PRKX: variants seen among roughly 807,000 people sequenced by gnomAD.
PRKX encodes the protein cAMP-dependent protein kinase catalytic subunit PRKX.
PRKX carries 12 observed loss-of-function variants against 22.0 expected under a neutral mutation model. The observed-to-expected ratio is 0.54, with a 90% CI of 0.35 to 0.88. PRKX has a LOEUF of 0.88. Ranked by LOEUF, PRKX falls within the 40% of genes least tolerant of loss-of-function variation. The pLI, the probability that PRKX is intolerant of heterozygous loss-of-function variation, is 0.01. For synonymous variants in PRKX, 134 were observed against 137.7 expected, an observed-to-expected ratio of 0.97 and a Z score of 0.19; for missense variants, 217 against 308.0, an observed-to-expected ratio of 0.70 and a Z score of 2.21.
intron 3 of PRKX, among the ~76,000 whole-genome samples, chrX:3,647,829 TTCA>T (rs1318517591): frequency 4.6e-5 from 5 of 109,484 alleles, no homozygotes; most frequent in African/African-American, 1.7e-4. Context: ...CTGGAACTTC[TTCA>T]TCATTCCAAA....
chrX:3,643,346 C>T (rs938776242), intron 3 of PRKX, among the ~76,000 whole-genome samples: 5 of 111,652 alleles, frequency 4.5e-5, no homozygotes, highest in Admixed American at 3.8e-4. Flanking sequence ...AAACGGCGAG[C>T]GGCTGAACCT....
intron 4 of PRKX, among the ~76,000 whole-genome samples, chrX:3,627,411 A>G (rs865971658): frequency 9.4e-6 from 1 of 105,942 alleles, no homozygotes; most frequent in Non-Finnish European, 1.9e-5. Context: ...AAAAAAAAAA[A>G]GACACATACA....
chrX:3,657,954 G>C (rs1927513930), intron 2 of PRKX, among the ~76,000 whole-genome samples: 1 of 111,739 alleles, frequency 8.9e-6, no homozygotes, highest in Non-Finnish European at 1.9e-5. Context: ...GGGACGGGTG[G>C]GGTATGAGGC....
chrX:3,681,090 A>T (rs1928062538), intron 1 of PRKX, among the ~76,000 whole-genome samples: 1 of 110,204 alleles, frequency 9.1e-6, no homozygotes, highest in Non-Finnish European at 1.9e-5. Context: ...AATAAATAAA[A>T]AATAAATAAG....
At chrX:3,667,185 C>T (rs1927752593) in intron 2 of PRKX, 1 of 111,543 alleles carries the variant, frequency 9.0e-6, no homozygotes, top group African/African-American at 3.3e-5. Flanking sequence ...ACTTTTCCAT[C>T]CGCGAAGCTG....
At chrX:3,678,397 C>T (rs934695467) in intron 1 of PRKX, among the ~76,000 whole-genome samples, 17 of 111,961 alleles carry the variant, frequency 1.5e-4, no homozygotes, top group African/African-American at 5.5e-4. Context: ...GTGTTTACTG[C>T]ATAACATTCT....
chrX:3,689,931 G>C (rs181234319), intron 1 of PRKX, among the ~76,000 whole-genome samples: 515 of 110,598 alleles, frequency 4.7e-3, no homozygotes, highest in South Asian at 5.8e-3. Context: ...GAGCCGAGAT[G>C]GCACCACTGC....
intron 1 of PRKX, among the ~76,000 whole-genome samples, chrX:3,681,573 AG>A (rs1196591211): frequency 9.2e-6 from 1 of 108,894 alleles, no homozygotes; most frequent in Non-Finnish European, 1.9e-5. Context: ...GTCTTGAACC[AG>A]GGAGCAGGAG....
intron 3 of PRKX, among the ~76,000 whole-genome samples, chrX:3,653,496 G>C (rs1927381646): frequency 9.4e-6 from 1 of 106,765 alleles, no homozygotes; most frequent in Non-Finnish European, 1.9e-5. Flanking sequence ...GTGCCCAGAT[G>C]TTTGTTCAAA....
At chrX:3,704,337 A>G (rs1406717403) in intron 1 of PRKX, among the ~76,000 whole-genome samples, 1 of 112,138 alleles carries the variant, frequency 8.9e-6, no homozygotes, top group Non-Finnish European at 1.9e-5. Context: ...TTGCTCCTCC[A>G]GTAGGATACA....
intron 3 of PRKX, among the ~76,000 whole-genome samples, chrX:3,647,155 A>C (rs1384286132): frequency 9.1e-6 from 1 of 109,815 alleles, no homozygotes; most frequent in Non-Finnish European, 1.9e-5. Flanking sequence ...TGAACTTATA[A>C]TCTAAACACT....
At chrX:3,675,165 T>C (rs1341334302) in intron 1 of PRKX, among the ~76,000 whole-genome samples, 2 of 111,632 alleles carry the variant, frequency 1.8e-5, no homozygotes, top group Non-Finnish European at 3.8e-5. Flanking sequence ...CATGCCTTTT[T>C]CTCTTCAGGC....
At chrX:3,637,968 G>C (rs1603473596) in intron 4 of PRKX, among the ~76,000 whole-genome samples, 1 of 109,872 alleles carries the variant, frequency 9.1e-6, no homozygotes. Context: ...TACCATTTTG[G>C]CCAGGCTGGT....
At chrX:3,704,883 C>T (rs921093233) in intron 1 of PRKX, among the ~76,000 whole-genome samples, 1 of 111,673 alleles carries the variant, frequency 9.0e-6, no homozygotes, top group Non-Finnish European at 1.9e-5. Flanking sequence ...TTGTGTGACT[C>T]GTGCTGCAGT....
At chrX:3,697,037 A>G (rs1481152582) in intron 1 of PRKX, among the ~76,000 whole-genome samples, 1 of 81,022 alleles carries the variant, frequency 1.2e-5, no homozygotes, top group East Asian at 2.9e-4. Flanking sequence ...CAAACAGAAC[A>G]AACAAACAGA....
At chrX:3,699,374 G>A (rs1346824996) in intron 1 of PRKX, among the ~76,000 whole-genome samples, 2 of 106,643 alleles carry the variant, frequency 1.9e-5, no homozygotes, top group African/African-American at 6.9e-5. Context: ...TTTTTTTGAG[G>A]TGGAGTCTCA....
At chrX:3,641,098 A>G (rs1375172409) in intron 4 of PRKX, among the ~76,000 whole-genome samples, 1 of 111,882 alleles carries the variant, frequency 8.9e-6, no homozygotes, top group Admixed American at 9.5e-5. Context: ...ATAGCCAAAC[A>G]GCAGCCCTCA....
intron 4 of PRKX, among the ~76,000 whole-genome samples, chrX:3,640,185 A>G (rs1179916886): frequency 9.2e-6 from 1 of 109,120 alleles, no homozygotes; most frequent in African/African-American, 3.3e-5. Context: ...AGAAGAAAGA[A>G]GGAAACAGGA....
At chrX:3,622,691 G>A (rs781017038) in intron 5 of PRKX, among the ~76,000 whole-genome samples, 1 of 111,721 alleles carries the variant, frequency 9.0e-6, no homozygotes, top group South Asian at 3.8e-4. Context: ...CCATCTGTCC[G>A]CCCACCTAAG....
Sources: gnomAD v4.1 joint callset for allele counts (sites outside exome capture counted in the v4.1 genomes callset) on GRCh38, gnomAD v4.1.1 for gene constraint, MANE v1.5 for transcripts, NCBI Gene and HGNC (gene_info 2026-07-23, HGNC 2026-07-21) for gene names.